TMC6: variants seen among roughly 807,000 people sequenced by gnomAD.
The protein encoded by TMC6 is transmembrane channel-like protein 6.
TMC6 carries 71 observed loss-of-function variants against 95.4 expected under a neutral mutation model. The ratio of observed to expected loss-of-function variants is 0.74; its 90% CI spans 0.61 to 0.91. TMC6 has a LOEUF of 0.91. Ranked by LOEUF, TMC6 falls within the 40% of genes least tolerant of loss-of-function variation. TMC6 has a pLI of 0.00. For missense variants in TMC6, 1,074 were observed against 1,079.1 expected (o/e 1.00, Z 0.07); for synonymous variants, 514 against 483.1 (o/e 1.06, Z -0.84).
Position 78,113,004 on chromosome 17 carries a change from C to G in TMC6, c.*144G>C. 4 of 906,158 alleles carry G rather than the reference C, an allele frequency of 4.4e-6. No homozygotes were observed. Among genetic ancestry groups the G allele is most frequent in the Non-Finnish European group, 6.9e-6 (4 of 580,988 alleles). 56.1% of individuals were successfully genotyped at this position (906,158 alleles called of 1,614,324 possible). A position where few individuals can be genotyped will look rare whatever the true frequency, so the allele number is the denominator to read the frequency against. The stretch of plus-strand genomic sequence containing the variant: ...GGGATGCCCAAGCCGGATTCACCCA[C>G]CCTTCCAGCTCCAGCCTAGGCGCAG... On this transcript the variant is annotated 3_prime_UTR_variant, in exon 20 of 20. Coordinates refer to ENST00000590602, the MANE Select transcript of TMC6 (RefSeq NM_001127198.5).
At chr17:78,119,495 C>A in intron 13 of TMC6, 103 bp from the exon 14 acceptor site, 5 of 1,162,316 alleles carry the variant, frequency 4.3e-6, no homozygotes, top group Non-Finnish European at 5.1e-6. Context: ...CAGGGGACAT[C>A]CTGGCCGTTC....
In TMC6 at chr17:78,124,986, C is replaced by A; in HGVS notation, c.537-1G>T. 1 of 1,585,954 alleles carries A rather than the reference C, an allele frequency of 6.3e-7. No homozygotes were observed. The highest frequency in any genetic ancestry group is 2.3e-5 in the East Asian group (1 of 43,960). On this transcript the variant is annotated splice_acceptor_variant, in intron 6 of 19. Coordinates refer to ENST00000590602, the MANE Select transcript of TMC6 (RefSeq NM_001127198.5). LOFTEE classifies it high-confidence loss of function. ...CCCCCTCGGGGTCCTGCTCTTCTCTCTGGGGACAGAGGCAGCCATAGGTGC... is the reference window on the plus strand; with the variant it reads ...CCCCCTCGGGGTCCTGCTCTTCTCTATGGGGACAGAGGCAGCCATAGGTGC...
Position 78,122,216 on chromosome 17 carries a change from A to G in TMC6, c.1227+389T>C, listed in dbSNP as rs1236552264. On this transcript the variant is annotated intron_variant, in intron 10 of 19. Transcript: ENST00000590602. The surrounding 1 kb of genome is among the most constrained non-coding windows in gnomAD (Gnocchi z 4.9). ...ACGAGGGCCTCGGCCTCTATGCCTCAGTCTCCTCTCTGAGGCACACAGAAG... is the reference window on the plus strand; with the variant it reads ...ACGAGGGCCTCGGCCTCTATGCCTCGGTCTCCTCTCTGAGGCACACAGAAG... Among the ~76,000 whole-genome samples the G allele has an allele frequency of 2.0e-5, 3 of 152,164 alleles. No individual in the cohort carries two copies. The East Asian group carries it at 5.8e-4, about 30-fold the overall frequency.
rs1183083508 is a variant in TMC6, at chr17:78,121,064, G to A, written c.1484C>T (p.Ala495Val). 4 of 1,613,132 alleles carry A rather than the reference G, an allele frequency of 2.5e-6. No homozygotes were observed. Among genetic ancestry groups the A allele is most frequent in the African/African-American group, 2.7e-5 (2 of 74,914 alleles). Reference protein sequence around the residue: ...GAPYLCRVLAALEPHDSPVLE... With the variant: ...GAPYLCRVLAVLEPHDSPVLE... ...TACCGGGGAGTCATGCGGCTCCAGGGCGGCCAGGACACGGCACAGGTAGGG... is the reference window on the plus strand; with the variant it reads ...TACCGGGGAGTCATGCGGCTCCAGGACGGCCAGGACACGGCACAGGTAGGG... Residue 495 changes from alanine to valine, a missense_variant, in exon 12 of 20, where the codon GCC (alanine) becomes GTC (valine). Transcript: ENST00000590602. The surrounding 1 kb of genome is among the most constrained non-coding windows in gnomAD (Gnocchi z 5.6).
chr17:78,129,659 G>A (rs2074908849), upstream of TMC6, among the ~76,000 whole-genome samples: 1 of 152,154 alleles, frequency 6.6e-6, no homozygotes, highest in Admixed American at 6.5e-5. The surrounding 1 kb of genome is among the most constrained non-coding windows in gnomAD (Gnocchi z 4.3). Flanking sequence ...ACCAGGCAGG[G>A]GTCAAGGCTG....
upstream of TMC6, among the ~76,000 whole-genome samples, chr17:78,129,781 C>T (rs1367003961): frequency 6.6e-6 from 1 of 152,180 alleles, no homozygotes; most frequent in African/African-American, 2.4e-5. The surrounding 1 kb of genome is among the most constrained non-coding windows in gnomAD (Gnocchi z 4.3). Context: ...CACTGCTTCC[C>T]CCTCCCTGCA....
chr17:78,119,597 C>T (rs999722988), intron 13 of TMC6, among the ~76,000 whole-genome samples: 28 of 152,200 alleles, frequency 1.8e-4, no homozygotes, highest in African/African-American at 6.8e-4. Flanking sequence ...GGTTCGGATA[C>T]ACCCGGAGTT....
chr17:78,127,162 C>G (rs2074761058), intron 1 of TMC6: 4 of 513,652 alleles, frequency 7.8e-6, no homozygotes. Context: ...ACATCTGTTT[C>G]CTCGATGTCG....
chr17:78,127,873 C>A (rs62079071), intron 1 of TMC6, among the ~76,000 whole-genome samples: 7,086 of 152,362 alleles, frequency 0.047, 226 homozygotes, highest in Middle Eastern at 0.075. Context: ...GCCCAGGCCC[C>A]ACACCACCCC....
rs1379702007 is a variant in TMC6 at position 78,112,828 on chromosome 17, C to T, written c.*320G>A. Reference sequence around the variant, plus strand: ...GCGCCCCCACTCCAGCTGAGGTTCCCAGGACCCAGACCTGCGCCTGGAGGT... The same window carrying T: ...GCGCCCCCACTCCAGCTGAGGTTCCTAGGACCCAGACCTGCGCCTGGAGGT... On this transcript the variant is annotated 3_prime_UTR_variant, in exon 20 of 20. Transcript: ENST00000590602. 1 of 441,356 alleles carries T rather than the reference C, an allele frequency of 2.3e-6. No individual in the cohort carries two copies. Among genetic ancestry groups the T allele is most frequent in the East Asian group, 4.2e-5 (1 of 23,800 alleles). 27.3% of individuals were successfully genotyped at this position (441,356 alleles called of 1,614,324 possible). A position where few individuals can be genotyped will look rare whatever the true frequency, so the allele number is the denominator to read the frequency against.
At chr17:78,115,540 G>A (rs2074029465) in intron 18 of TMC6, among the ~76,000 whole-genome samples, 1 of 152,228 alleles carries the variant, frequency 6.6e-6, no homozygotes, top group Admixed American at 6.5e-5. Flanking sequence ...GGCCAGGCTG[G>A]GTAGCCCGGG....
intron 6 of TMC6, 28 bp downstream of exon 6, chr17:78,125,130 C>T: frequency 6.4e-7 from 1 of 1,552,324 alleles, no homozygotes; most frequent in Non-Finnish European, 8.7e-7. Flanking sequence ...GCAGCAGCGG[C>T]GGCATGGTCA....
chr17:78,114,561 C>T (rs920441283), intron 18 of TMC6, among the ~76,000 whole-genome samples: 3 of 152,034 alleles, frequency 2.0e-5, no homozygotes, highest in African/African-American at 7.3e-5. Context: ...TGCACCGAAA[C>T]ACTGATCATC....
intron 14 of TMC6, 96 bp downstream of exon 14, chr17:78,119,201 G>T: frequency 6.5e-7 from 1 of 1,549,096 alleles, no homozygotes; most frequent in Non-Finnish European, 8.9e-7. Flanking sequence ...GCCGGGCCTG[G>T]CTGTGGCCCC....
Position 78,125,853 on chromosome 17 carries a change from G to A in TMC6, c.303C>T (p.Tyr101=). The A allele has an allele frequency of 1.3e-6, 2 of 1,551,824 alleles. No individual in the cohort carries two copies. The highest frequency in any genetic ancestry group is 8.7e-7 in the Non-Finnish European group (1 of 1,147,508). ...ACCGAAGCTGCACCGTGCGGTTGTA[G>A]TACTGGGAGATGATGGCACCTCGGC... ...GRSRGAIISQ[Y]YNRTVQLRCR... Residue 101 remains tyrosine (Y), a synonymous_variant, in exon 5 of 20, where the codon TAC becomes TAT. Coordinates refer to ENST00000590602, the MANE Select transcript of TMC6 (RefSeq NM_001127198.5).
At position 78,117,593 on chromosome 17, in the gene TMC6, G is replaced by T; in HGVS notation, c.2073C>A (p.Tyr691Ter). 6.3e-7 allele frequency: 1 copy of T among 1,583,734 alleles called. No homozygotes were observed. Among genetic ancestry groups the T allele is most frequent in the Non-Finnish European group, 8.6e-7 (1 of 1,166,530 alleles). The change falls in exon 17 of 20, where the codon TAC (tyrosine) becomes TAA (stop). Residue 691 changes from tyrosine to a stop codon, truncating the protein, a stop_gained. Coordinates refer to ENST00000590602, the MANE Select transcript of TMC6 (RefSeq NM_001127198.5). LOFTEE classifies it high-confidence loss of function. ...GGCGCACCCACACCCTGCCGGCCTCGTACATGGTGTCCAGGGTCCGGAAGG... is the reference window on the plus strand; with the variant it reads ...GGCGCACCCACACCCTGCCGGCCTCTTACATGGTGTCCAGGGTCCGGAAGG... ...CGPFRTLDTM[Y>*]EAGRVWVRHL...
chr17:78,125,484 G>A (rs1482254811), intron 5 of TMC6, among the ~76,000 whole-genome samples: 3 of 152,236 alleles, frequency 2.0e-5, no homozygotes, highest in East Asian at 1.9e-4. Context: ...CACGGTCCCC[G>A]ACTCGGGGCC....
At position 78,117,955 on chromosome 17, in the gene TMC6, T is replaced by A. The variant is rs2074216620; in HGVS notation, c.1888-20A>T. The A allele has an allele frequency of 2.5e-6, 4 of 1,589,426 alleles. No homozygotes were observed. Among genetic ancestry groups the A allele is most frequent in the Non-Finnish European group, 3.4e-6 (4 of 1,168,656 alleles). ...GCTGGTCTGTGGGGAAAGGCTGCGC[T>A]CTGCCACCATCCTGCTACCCCTCAG... On this transcript the variant is annotated intron_variant, in intron 15 of 19. Transcript: ENST00000590602.
chr17:78,117,315 CGCA>C lies in TMC6; in HGVS notation c.2228_2230del (p.Val743_Arg744delinsGly). 6.2e-7 allele frequency: 1 copy of C among 1,613,516 alleles called. No homozygotes were observed. Reference sequence around the variant, plus strand: ...CAGGCAGATGACCTTGCGCTGGCCCCGCACCACCTGGATGTTGAGGTAGATCAC... The same window carrying C: ...CAGGCAGATGACCTTGCGCTGGCCCCCCACCTGGATGTTGAGGTAGATCAC... On this transcript the variant is annotated inframe_deletion, in exon 18 of 20. Coordinates refer to ENST00000590602, the MANE Select transcript of TMC6 (RefSeq NM_001127198.5).
Sources: gnomAD v4.1 joint callset for allele counts (sites outside exome capture counted in the v4.1 genomes callset) on GRCh38, gnomAD v4.1.1 for gene constraint, Gnocchi (gnomAD v3.1) non-coding constraint, MANE v1.5 for transcripts, NCBI Gene and HGNC (gene_info 2026-07-23, HGNC 2026-07-21) for gene names.